RELN: variants seen among roughly 807,000 people sequenced by gnomAD.
RELN encodes the protein reelin.
Under a neutral mutation model 427.6 loss-of-function variants are expected in RELN, and 108 were observed. The ratio of observed to expected loss-of-function variants is 0.25; its 90% CI spans 0.22 to 0.30. RELN has a LOEUF of 0.30. RELN is among the 10% of genes least tolerant of loss of function. RELN has a pLI of 1.00. For synonymous variants in RELN, 1,524 were observed against 1,513.4 expected (o/e 1.01, Z -0.16); for missense variants, 3,715 against 4,302.8 (o/e 0.86, Z 3.82).
chr7:103,946,120 G>A (rs1263381644), intron 1 of RELN, among the ~76,000 whole-genome samples: 2 of 152,164 alleles, frequency 1.3e-5, no homozygotes, highest in Non-Finnish European at 2.9e-5. Flanking sequence ...CTTGTTCAGT[G>A]CTACTGTTTT....
chr7:103,709,775 A>G (rs1789747628), intron 8 of RELN, among the ~76,000 whole-genome samples: 1 of 152,214 alleles, frequency 6.6e-6, no homozygotes, highest in Non-Finnish European at 1.5e-5. Flanking sequence ...TAAAAAAATA[A>G]ATCCATGGCT....
chr7:103,593,846 T>A lies in RELN; in HGVS notation c.3748A>T (p.Asn1250Tyr). 1 of 1,613,908 alleles carries A rather than the reference T, an allele frequency of 6.2e-7. No individual in the cohort carries two copies. The highest frequency in any genetic ancestry group is 8.5e-7 in the Non-Finnish European group (1 of 1,179,878). Reference protein sequence around the residue: ...YEKPAFDYPMNQMSVWLMLAN... With the variant: ...YEKPAFDYPMYQMSVWLMLAN... ...AACATCAACCACACACTCATCTGAT[T>A]CATAGGGTAATCAAAAGCTGGCTTC... The change falls in exon 27 of 65, where the codon AAT becomes TAT. Residue 1250 changes from asparagine to tyrosine, a missense_variant. By Grantham distance (143) the Asn-to-Tyr change is moderately radical (BLOSUM62 -2). Coordinates refer to ENST00000428762, the MANE Select transcript of RELN (RefSeq NM_005045.4).
At chr7:103,958,833 G>A (rs1056810294) in intron 1 of RELN, among the ~76,000 whole-genome samples, 4 of 152,116 alleles carry the variant, frequency 2.6e-5, no homozygotes, top group African/African-American at 7.2e-5. Context: ...CAGAGCCCTA[G>A]GGATCATCTA....
At chr7:103,891,789 CTGAT>C (rs965583217) in intron 2 of RELN, among the ~76,000 whole-genome samples, 1 of 152,110 alleles carries the variant, frequency 6.6e-6, no homozygotes, top group African/African-American at 2.4e-5. Context: ...ATTGAGCTCT[CTGAT>C]TTATTTACTT....
intron 3 of RELN, among the ~76,000 whole-genome samples, chr7:103,791,852 G>C (rs1792169580): frequency 6.6e-6 from 1 of 152,026 alleles, no homozygotes; most frequent in South Asian, 2.1e-4. Context: ...ATAGTATCCA[G>C]TATATATGAA....
intron 45 of RELN, among the ~76,000 whole-genome samples, chr7:103,538,113 A>G (rs1420711061): frequency 6.6e-6 from 1 of 152,126 alleles, no homozygotes; most frequent in Non-Finnish European, 1.5e-5. Context: ...GACTAATCTA[A>G]TCTTGACTGA....
At position 103,604,484 on chromosome 7, in the gene RELN, C is replaced by T. The variant is rs1449419844; in HGVS notation, c.3009-1G>A. ...CCAGCGGAAACGGGTAGCACTGGAC[C>T]TAGAAACACGGTATAGTATAACAAA... is the stretch of plus-strand genomic sequence containing the variant. On this transcript the variant is annotated splice_acceptor_variant, in intron 22 of 64. Coordinates refer to ENST00000428762, the MANE Select transcript of RELN (RefSeq NM_005045.4). LOFTEE classifies it high-confidence loss of function. 6.2e-7 allele frequency: 1 copy of T among 1,613,820 alleles called. No homozygotes were observed. Among genetic ancestry groups the T allele is most frequent in the Admixed American group, 1.7e-5 (1 of 59,988 alleles).
intron 42 of RELN, among the ~76,000 whole-genome samples, chr7:103,544,011 T>C (rs1408835325): frequency 1.3e-5 from 2 of 152,200 alleles, no homozygotes; most frequent in South Asian, 2.1e-4. Flanking sequence ...TAAAGACAGA[T>C]TGACATAATA....
intron 6 of RELN, among the ~76,000 whole-genome samples, chr7:103,732,066 A>C (rs2115956800): frequency 6.6e-6 from 1 of 152,266 alleles, no homozygotes; most frequent in East Asian, 1.9e-4. Flanking sequence ...CTAGAGAATT[A>C]GAGGGCTTGG....
rs587780439 is a variant in RELN, at chr7:103,566,253, T to C, written c.4907A>G (p.Asp1636Gly). The part of the protein sequence containing the change: ...GQVDIDCLSM[D>G]TALIFTENIG... ...GTTTTCAGTGAATATCAGAGCAGTA[T>C]CCATAGAGAGACAGTCAATATCAAC... is the stretch of plus-strand genomic sequence containing the variant. Residue 1636 changes from aspartate (D) to glycine (G), a missense_variant, in exon 33 of 65, where the codon GAT becomes GGT. Asp to Gly is a moderately conservative substitution (Grantham distance 94, BLOSUM62 -1). This residue lies in a region of RELN where 2,208 missense variants were observed against 2,361.7 expected (regional missense o/e 0.93). Coordinates refer to ENST00000428762, the MANE Select transcript of RELN (RefSeq NM_005045.4). 12 of 1,613,786 alleles carry C rather than the reference T, an allele frequency of 7.4e-6. No individual in the cohort carries two copies. In the Admixed American group the frequency reaches 1.8e-4, roughly 25 times the overall value.
chr7:103,551,248 G>A lies in RELN; in HGVS notation c.6121C>T (p.Leu2041=), dbSNP rs1425847673. 6.2e-7 allele frequency: 1 copy of A among 1,614,026 alleles called. No homozygotes were observed. Among genetic ancestry groups the A allele is most frequent in the Admixed American group, 1.7e-5 (1 of 60,018 alleles). ...TDSSSADPVR[L]EFSRDFGATW... Reference sequence around the variant, plus strand: ...GCCCCGAAGTCCCTTGAAAATTCCAGTCTCACTGGATCCGCGGATGAGCTA... The same window carrying A: ...GCCCCGAAGTCCCTTGAAAATTCCAATCTCACTGGATCCGCGGATGAGCTA... Residue 2041 remains leucine (L), a synonymous_variant, in exon 41 of 65, where the codon CTG becomes TTG. Coordinates refer to ENST00000428762, the MANE Select transcript of RELN (RefSeq NM_005045.4).
At chr7:103,531,616 T>G (rs571622486) in intron 46 of RELN, among the ~76,000 whole-genome samples, 16 of 152,166 alleles carry the variant, frequency 1.1e-4, no homozygotes, top group Non-Finnish European at 1.2e-4. Context: ...TTTCATTGCC[T>G]CCCATGTCTC....
chr7:103,862,431 C>G (rs889793319), intron 2 of RELN, among the ~76,000 whole-genome samples: 3 of 151,596 alleles, frequency 2.0e-5, no homozygotes, highest in Non-Finnish European at 2.9e-5. Context: ...ATCTATCTAT[C>G]TATCTATCTA....
At chr7:103,512,157 A>G (rs1829440842) in intron 50 of RELN, among the ~76,000 whole-genome samples, 1 of 124,668 alleles carries the variant, frequency 8.0e-6, no homozygotes, top group Non-Finnish European at 1.7e-5. Context: ...CTGAAAAAGT[A>G]TTCATTTCCC....
chr7:103,890,122 TCTC>T (rs1249686484), intron 2 of RELN, among the ~76,000 whole-genome samples: 1 of 152,106 alleles, frequency 6.6e-6, no homozygotes, highest in Non-Finnish European at 1.5e-5. Flanking sequence ...CTGGTTTTCT[TCTC>T]CTATGTCTTA....
intron 2 of RELN, among the ~76,000 whole-genome samples, chr7:103,862,189 T>A (rs2116497298): frequency 6.6e-6 from 1 of 152,216 alleles, no homozygotes; most frequent in South Asian, 2.1e-4. Context: ...ATTATTCAGG[T>A]AGTACAGAAT....
intron 2 of RELN, among the ~76,000 whole-genome samples, chr7:103,847,011 C>T (rs753959916): frequency 3.3e-5 from 5 of 152,226 alleles, no homozygotes; most frequent in South Asian, 2.1e-4. Context: ...GACAGTGTGG[C>T]GACTCCTCAA....
At position 103,594,321 on chromosome 7, in the gene RELN, C is replaced by CTG. The variant is rs1174337872; in HGVS notation, c.3709_3710dup (p.Gln1237HisfsTer14). On this transcript the variant is annotated frameshift_variant and splice_region_variant, in exon 26 of 65. Transcript: ENST00000428762. LOFTEE classifies it high-confidence loss of function. Reference sequence around the variant, plus strand: ...TTGGAGTTCAGACATAGGAGAATACCTGAGGTAAAGTTGGATTGATAACTG... The same window carrying CTG: ...TTGGAGTTCAGACATAGGAGAATACCTGTGAGGTAAAGTTGGATTGATAACTG... 1 of 1,613,294 alleles carries CTG rather than the reference C, an allele frequency of 6.2e-7. No homozygotes were observed. The highest frequency in any genetic ancestry group is 8.5e-7 in the Non-Finnish European group (1 of 1,179,442).
chr7:103,857,629 T>C (rs1190558406), intron 2 of RELN, among the ~76,000 whole-genome samples: 1 of 152,154 alleles, frequency 6.6e-6, no homozygotes, highest in Non-Finnish European at 1.5e-5. Flanking sequence ...GGTGAGTATG[T>C]GGATGCTTGT....
Sources: gnomAD v4.1 joint callset for allele counts (sites outside exome capture counted in the v4.1 genomes callset) on GRCh38, gnomAD v4.1.1 for gene constraint, gnomAD v4.1.1 regional missense constraint, MANE v1.5 for transcripts, NCBI Gene and HGNC (gene_info 2026-07-23, HGNC 2026-07-21) for gene names.